PCDH9: variants seen among roughly 807,000 people sequenced by gnomAD.
PCDH9 encodes protocadherin 9.
Under a neutral mutation model 70.6 loss-of-function variants are expected in PCDH9, and 24 were observed. That is an observed-to-expected ratio of 0.34 (90% CI 0.25 to 0.48). The LOEUF is 0.48. Ranked by LOEUF, PCDH9 falls within the 20% of genes least tolerant of loss-of-function variation. The probability of loss-of-function intolerance (pLI) is 0.99; values close to 1 mark genes in which losing one functional copy is unlikely to be tolerated. For missense variants in PCDH9, 1,281 were observed against 1,503.6 expected (o/e 0.85, Z 2.45); for synonymous variants, 562 against 558.5 (o/e 1.01, Z -0.09).
chr13:66,822,972 T>A (rs2139384929), intron 3 of PCDH9, among the ~76,000 whole-genome samples: 1 of 152,192 alleles, frequency 6.6e-6, no homozygotes, highest in African/African-American at 2.4e-5. Flanking sequence ...AAACTCTATT[T>A]TAAAATGTTA....
chr13:66,638,268 C>G (rs1424561195), intron 3 of PCDH9, among the ~76,000 whole-genome samples: 1 of 152,146 alleles, frequency 6.6e-6, no homozygotes, highest in African/African-American at 2.4e-5. Flanking sequence ...GCTGTGTCAC[C>G]TTTTCATAAT....
intron 4 of PCDH9, among the ~76,000 whole-genome samples, chr13:66,459,016 G>T (rs76595839): frequency 0.019 from 2,922 of 152,018 alleles, 78 homozygotes; most frequent in East Asian, 0.089. Flanking sequence ...TGGCAGGGGA[G>T]GGGGAGCAGA....
At chr13:66,956,876 AC>A (rs1371558307) in intron 2 of PCDH9, among the ~76,000 whole-genome samples, 1 of 151,948 alleles carries the variant, frequency 6.6e-6, no homozygotes, top group African/African-American at 2.4e-5. Context: ...ACCAAAACAT[AC>A]CCAGGAATTA....
chr13:66,837,899 T>G (rs996324866), intron 3 of PCDH9, among the ~76,000 whole-genome samples: 1 of 151,994 alleles, frequency 6.6e-6, no homozygotes, highest in East Asian at 1.9e-4. Flanking sequence ...GGTTTCTTCC[T>G]CTCCCATTTC....
In PCDH9 at chr13:66,693,678, A is replaced by G. The variant is rs534891241; in HGVS notation, c.3139-62267T>C. Among the ~76,000 whole-genome samples, 7 of 152,276 alleles carry G rather than the reference A, an allele frequency of 4.6e-5. No homozygotes were observed. In the East Asian group the frequency reaches 1.4e-3, roughly 29 times the overall value. The stretch of plus-strand genomic sequence containing the variant: ...TTTTAGCAGACTTTATATTTTCCCA[A>G]TTGTATACAGAATGGGCCAAATTAT... On this transcript the variant is annotated intron_variant, in intron 3 of 4. Transcript: ENST00000377865.
chr13:67,000,336 G>GT (rs1377208778), intron 2 of PCDH9, among the ~76,000 whole-genome samples: 1 of 134,464 alleles, frequency 7.4e-6, no homozygotes, highest in Non-Finnish European at 1.6e-5. Flanking sequence ...CTGTTGTGGG[G>GT]TGGGGGAGGG....
At chr13:66,769,500 A>G (rs1013340539) in intron 3 of PCDH9, among the ~76,000 whole-genome samples, 2 of 150,860 alleles carry the variant, frequency 1.3e-5, no homozygotes, top group African/African-American at 2.4e-5. Flanking sequence ...TTTTTCAGAT[A>G]TGCAATTTTC....
intron 4 of PCDH9, among the ~76,000 whole-genome samples, chr13:66,445,604 A>G (rs148248620): frequency 0.12 from 16,213 of 135,472 alleles, 1,332 homozygotes; most frequent in Non-Finnish European, 0.13. Context: ...TTATATACAC[A>G]TATATATTAT....
chr13:67,128,581 G>A (rs1194075895), intron 2 of PCDH9, among the ~76,000 whole-genome samples: 2 of 151,952 alleles, frequency 1.3e-5, no homozygotes, highest in African/African-American at 4.8e-5. Flanking sequence ...TCACTCAGTG[G>A]GGTTATTATC....
intron 4 of PCDH9, among the ~76,000 whole-genome samples, chr13:66,408,097 G>T (rs1215605353): frequency 6.9e-6 from 1 of 145,432 alleles, no homozygotes; most frequent in Non-Finnish European, 1.5e-5. Context: ...TGTCGCCCAG[G>T]CCGGACTGCG....
chr13:66,694,066 C>A (rs1392520148), intron 3 of PCDH9, among the ~76,000 whole-genome samples: 1 of 152,120 alleles, frequency 6.6e-6, no homozygotes, highest in Non-Finnish European at 1.5e-5. Flanking sequence ...TAGTTAAATG[C>A]CCTGCTGTTT....
intron 2 of PCDH9, among the ~76,000 whole-genome samples, chr13:67,140,945 C>T (rs533689496): frequency 2.5e-4 from 38 of 152,160 alleles, no homozygotes; most frequent in African/African-American, 8.9e-4. Flanking sequence ...CTTTCTTTTG[C>T]TTTTTCCCCC....
At chr13:66,339,220 T>C (rs1295590266) in intron 4 of PCDH9, among the ~76,000 whole-genome samples, 2 of 151,354 alleles carry the variant, frequency 1.3e-5, no homozygotes, top group Non-Finnish European at 3.0e-5. Context: ...TTGTCTGTAG[T>C]AATGAGAACA....
intron 4 of PCDH9, among the ~76,000 whole-genome samples, chr13:66,343,224 T>A (rs1185957659): frequency 6.6e-6 from 1 of 152,200 alleles, no homozygotes; most frequent in Non-Finnish European, 1.5e-5. Context: ...AACAAATTAC[T>A]CCCAAATTGA....
At chr13:67,107,087 G>A (rs2138257040) in intron 2 of PCDH9, among the ~76,000 whole-genome samples, 1 of 152,296 alleles carries the variant, frequency 6.6e-6, no homozygotes. Context: ...CCCCAGTGAA[G>A]CCCCTCCTTC....
chr13:67,172,668 C>T (rs867065201), intron 2 of PCDH9, among the ~76,000 whole-genome samples: 4 of 151,690 alleles, frequency 2.6e-5, no homozygotes, highest in South Asian at 2.1e-4. Context: ...ACCTGAGGTC[C>T]GGAGTTCGAC....
chr13:67,057,842 C>G (rs184122609), intron 2 of PCDH9, among the ~76,000 whole-genome samples: 1 of 152,190 alleles, frequency 6.6e-6, no homozygotes, highest in East Asian at 1.9e-4. Context: ...ATAAGCTAAC[C>G]AGTAAAATGT....
At chr13:66,921,303 G>C (rs1418865890) in intron 2 of PCDH9, among the ~76,000 whole-genome samples, 1 of 151,018 alleles carries the variant, frequency 6.6e-6, no homozygotes, top group African/African-American at 2.4e-5. Context: ...TTAATTATGG[G>C]AACTATGCAA....
At chr13:66,418,167 T>C (rs1216691161) in intron 4 of PCDH9, among the ~76,000 whole-genome samples, 1 of 152,198 alleles carries the variant, frequency 6.6e-6, no homozygotes, top group Admixed American at 6.5e-5. Flanking sequence ...TTAATCCATG[T>C]TGAGTTATTT....
Sources: gnomAD v4.1 joint callset for allele counts (sites outside exome capture counted in the v4.1 genomes callset) on GRCh38, gnomAD v4.1.1 for gene constraint, MANE v1.5 for transcripts, NCBI Gene and HGNC (gene_info 2026-07-23, HGNC 2026-07-21) for gene names.